The following CSMD1 variants were observed in gnomAD, a reference collection of about 807,000 sequenced individuals.
The protein encoded by CSMD1 is CUB and sushi domain-containing protein 1.
In CSMD1, 213 loss-of-function variants were observed where a neutral mutation model predicts 417.5. The observed-to-expected ratio is 0.51, with a 90% CI of 0.46 to 0.57. CSMD1 has a LOEUF of 0.57. CSMD1 is among the 20% of genes least tolerant of loss of function. The pLI is 0.00. For missense variants in CSMD1, 6,923 were observed against 4,529.7 expected (o/e 1.53, Z -15.17); for synonymous variants, 2,862 against 1,736.8 (o/e 1.65, Z -16.11).
intron 3 of CSMD1, among the ~76,000 whole-genome samples, chr8:4,033,528 A>C (rs1393867187): frequency 6.6e-6 from 1 of 152,166 alleles, no homozygotes; most frequent in Non-Finnish European, 1.5e-5. Context: ...GCCTTTCCAG[A>C]CCAAACCAAT....
At chr8:4,213,793 C>G (rs776841343) in intron 3 of CSMD1, among the ~76,000 whole-genome samples, 3 of 152,068 alleles carry the variant, frequency 2.0e-5, no homozygotes, top group Non-Finnish European at 4.4e-5. Context: ...GGGTGGAACG[C>G]AAACTAACTT....
chr8:3,812,741 C>G (rs996408509), intron 5 of CSMD1, among the ~76,000 whole-genome samples: 3 of 152,128 alleles, frequency 2.0e-5, no homozygotes, highest in Non-Finnish European at 4.4e-5. Context: ...ACCACATCTC[C>G]CCAAGTCTTG....
chr8:4,972,116 G>T (rs999367075), intron 1 of CSMD1, among the ~76,000 whole-genome samples: 30 of 152,228 alleles, frequency 2.0e-4, no homozygotes, highest in Middle Eastern at 3.4e-3. Flanking sequence ...ATAAAAGAAA[G>T]AGTAATATCG....
chr8:3,984,443 G>C (rs1445251583), intron 5 of CSMD1, among the ~76,000 whole-genome samples: 3 of 151,872 alleles, frequency 2.0e-5, no homozygotes, highest in Non-Finnish European at 4.4e-5. Flanking sequence ...TAAACAGAGA[G>C]GCACATTGAT....
intron 20 of CSMD1, 41 bp from the exon 21 acceptor site, chr8:3,359,381 G>T (rs553610296): frequency 4.3e-6 from 6 of 1,403,656 alleles, no homozygotes; most frequent in African/African-American, 2.9e-5. Flanking sequence ...GAGGATTTGG[G>T]TAAATACACA....
chr8:3,149,463 C>T (rs918455666), intron 40 of CSMD1, among the ~76,000 whole-genome samples: 1 of 151,962 alleles, frequency 6.6e-6, no homozygotes, highest in South Asian at 2.1e-4. Context: ...AATCTTCTAG[C>T]CAGAATTTTT....
At chr8:4,546,190 T>C (rs752446418) in intron 2 of CSMD1, among the ~76,000 whole-genome samples, 3 of 152,234 alleles carry the variant, frequency 2.0e-5, no homozygotes, top group Non-Finnish European at 4.4e-5. Context: ...CCTTGTTATA[T>C]CTACGGGCCT....
intron 1 of CSMD1, among the ~76,000 whole-genome samples, chr8:4,919,728 T>C (rs1361700753): frequency 6.6e-6 from 1 of 152,172 alleles, no homozygotes; most frequent in African/African-American, 2.4e-5. Flanking sequence ...TGTGATAGTA[T>C]TGGAAGCTGG....
intron 21 of CSMD1, among the ~76,000 whole-genome samples, chr8:3,348,835 C>T (rs918329773): frequency 4.6e-5 from 7 of 152,208 alleles, no homozygotes; most frequent in African/African-American, 1.7e-4. Flanking sequence ...AAAATACATA[C>T]AACTCTCTAC....
At chr8:3,139,590 T>C (rs768226814) in intron 41 of CSMD1, among the ~76,000 whole-genome samples, 1 of 152,100 alleles carries the variant, frequency 6.6e-6, no homozygotes, top group Middle Eastern at 3.2e-3. Flanking sequence ...GAAAAACAGG[T>C]GTAGAAATTG....
At chr8:4,438,307 G>A (rs780857016) in intron 2 of CSMD1, among the ~76,000 whole-genome samples, 2 of 152,186 alleles carry the variant, frequency 1.3e-5, no homozygotes, top group Non-Finnish European at 2.9e-5. Flanking sequence ...CATGGAGGTG[G>A]TGTCTGAAGC....
At chr8:3,005,254 G>C (rs898794321) in intron 52 of CSMD1, among the ~76,000 whole-genome samples, 2 of 152,184 alleles carry the variant, frequency 1.3e-5, no homozygotes, top group Non-Finnish European at 1.5e-5. Flanking sequence ...CGTCTTTCCT[G>C]AGTTACAAAG....
chr8:2,966,809 C>A (rs2128929217), intron 57 of CSMD1, 63 bp from the exon 58 acceptor site: 3 of 1,496,672 alleles, frequency 2.0e-6, no homozygotes, highest in South Asian at 2.4e-5. Context: ...ATGGCAAACA[C>A]AAGAGACCAA....
At chr8:4,543,200 G>T (rs1346022741) in intron 2 of CSMD1, among the ~76,000 whole-genome samples, 1 of 152,116 alleles carries the variant, frequency 6.6e-6, no homozygotes, top group African/African-American at 2.4e-5. Context: ...ATACAGCTGT[G>T]TAAGTTTTGC....
chr8:4,855,234 A>C (rs1801726760), intron 1 of CSMD1, among the ~76,000 whole-genome samples: 1 of 150,568 alleles, frequency 6.6e-6, no homozygotes, highest in Non-Finnish European at 1.5e-5. Flanking sequence ...TAACAAACAG[A>C]AAGGATATCC....
intron 7 of CSMD1, among the ~76,000 whole-genome samples, chr8:3,669,719 G>A (rs1335718262): frequency 6.6e-6 from 1 of 152,072 alleles, no homozygotes; most frequent in Non-Finnish European, 1.5e-5. Context: ...GTACAAAGAG[G>A]AAGGCCAGGA....
intron 2 of CSMD1, among the ~76,000 whole-genome samples, chr8:4,592,477 G>GCCA (rs1001217126): frequency 6.6e-6 from 1 of 151,826 alleles, no homozygotes; most frequent in Non-Finnish European, 1.5e-5. Context: ...ACCTCCACCT[G>GCCA]CCAGGTTTAA....
At chr8:4,709,991 G>T (rs1010632678) in intron 1 of CSMD1, among the ~76,000 whole-genome samples, 1 of 152,238 alleles carries the variant, frequency 6.6e-6, no homozygotes, top group East Asian at 1.9e-4. Context: ...GATAAAAACT[G>T]GGTAATTAAA....
intron 6 of CSMD1, among the ~76,000 whole-genome samples, chr8:3,748,658 T>C (rs1797172194): frequency 6.6e-6 from 1 of 152,188 alleles, no homozygotes; most frequent in Non-Finnish European, 1.5e-5. Context: ...TCTCAGAAAA[T>C]GTGAGCATTG....
Sources: allele counts gnomAD v4.1 joint callset (sites outside exome capture counted in the v4.1 genomes callset), GRCh38; gene constraint gnomAD v4.1.1; transcripts MANE v1.5; gene names NCBI Gene and HGNC (gene_info 2026-07-23, HGNC 2026-07-21).